SCAI: variants seen among roughly 807,000 people sequenced by gnomAD.
SCAI encodes the protein suppressor of cancer cell invasion.
A neutral mutation model predicts 92.2 loss-of-function variants in SCAI; 24 were observed. That is an observed-to-expected ratio of 0.26 (90% CI 0.19 to 0.37). The LOEUF (loss-of-function observed/expected upper bound fraction) is 0.37, where lower values mean the gene tolerates loss of function less well. Ranked by LOEUF, SCAI falls within the 10% of genes least tolerant of loss-of-function variation. SCAI has a pLI of 1.00. For missense variants in SCAI, 450 were observed against 736.2 expected, an observed-to-expected ratio of 0.61 and a Z score of 4.50; for synonymous variants, 261 against 258.6, an observed-to-expected ratio of 1.01 and a Z score of -0.09.
At chr9:125,051,108 C>T (rs1368885258) in intron 3 of SCAI, among the ~76,000 whole-genome samples, 9 of 152,048 alleles carry the variant, frequency 5.9e-5, no homozygotes, top group East Asian at 1.9e-4. Context: ...CTGCAACATC[C>T]GCCTCCCAGC....
Position 124,951,692 on chromosome 9 carries a change from T to C in SCAI, c.*1115A>G, listed in dbSNP as rs895570920. On this transcript the variant is annotated 3_prime_UTR_variant, in exon 18 of 18. Transcript: ENST00000336505. ...TAATCAAAAAGGAGGGAGGACTTCA[T>C]AGCAAGTGACTGTGAAATTATAAAG... The C allele has an allele frequency of 7.9e-5, 12 of 152,026 alleles. No homozygotes were observed. Among genetic ancestry groups the C allele is most frequent in the Non-Finnish European group, 1.3e-4 (9 of 67,996 alleles). The allele number at this position is 152,026 out of a possible 1,614,324, so 9.4% of individuals were successfully genotyped here.
intron 2 of SCAI, among the ~76,000 whole-genome samples, chr9:125,107,846 T>C (rs1834833392): frequency 6.6e-6 from 1 of 152,100 alleles, no homozygotes; most frequent in South Asian, 2.1e-4. Context: ...ACAGTCTCCC[T>C]CTCCCTCTCT....
intron 14 of SCAI, among the ~76,000 whole-genome samples, chr9:124,987,798 C>T (rs774639921): frequency 2.0e-5 from 3 of 151,914 alleles, no homozygotes; most frequent in African/African-American, 4.8e-5. Flanking sequence ...CCTGTCTCTA[C>T]TAAAAAATAC....
chr9:125,102,059 T>C (rs769836610), intron 2 of SCAI, among the ~76,000 whole-genome samples: 4 of 152,128 alleles, frequency 2.6e-5, no homozygotes, highest in Non-Finnish European at 5.9e-5. Context: ...GTGGGTGCTG[T>C]CCTGTGCACT....
At chr9:125,008,975 G>A (rs1832572506) in intron 9 of SCAI, among the ~76,000 whole-genome samples, 1 of 152,116 alleles carries the variant, frequency 6.6e-6, no homozygotes, top group Admixed American at 6.5e-5. Context: ...ATTTCCTTAA[G>A]TGGATATAAT....
At chr9:125,083,206 T>C (rs1356718934) in intron 2 of SCAI, among the ~76,000 whole-genome samples, 1 of 152,126 alleles carries the variant, frequency 6.6e-6, no homozygotes, top group African/African-American at 2.4e-5. Flanking sequence ...ACTCTTTGCC[T>C]GCTGCTATCC....
intron 2 of SCAI, among the ~76,000 whole-genome samples, chr9:125,086,811 C>A (rs1280651338): frequency 6.6e-6 from 1 of 152,162 alleles, no homozygotes; most frequent in Non-Finnish European, 1.5e-5. Context: ...ATGATTTTAG[C>A]CAAGTCACTT....
chr9:125,012,670 C>A (rs1266672337), intron 9 of SCAI, among the ~76,000 whole-genome samples: 1 of 152,088 alleles, frequency 6.6e-6, no homozygotes, highest in African/African-American at 2.4e-5. Context: ...AGCTCTGCAC[C>A]AAGCAGACCT....
chr9:125,135,971 C>CAAACAA (rs1835513605), intron 2 of SCAI, among the ~76,000 whole-genome samples: 1 of 81,086 alleles, frequency 1.2e-5, no homozygotes, highest in East Asian at 3.9e-4. Flanking sequence ...CCATCTCAAA[C>CAAACAA]AAAAAAAAAA....
chr9:125,138,097 G>A (rs1459751135), intron 2 of SCAI, among the ~76,000 whole-genome samples: 1 of 151,802 alleles, frequency 6.6e-6, no homozygotes, highest in Non-Finnish European at 1.5e-5. Context: ...ATTTCTTCTT[G>A]GCCTTTATTT....
At chr9:125,136,416 A>C (rs1265723576) in intron 2 of SCAI, among the ~76,000 whole-genome samples, 2 of 145,710 alleles carry the variant, frequency 1.4e-5, no homozygotes, top group Non-Finnish European at 3.0e-5. Context: ...GATATTCAGA[A>C]TTTCTATAGC....
intron 2 of SCAI, among the ~76,000 whole-genome samples, chr9:125,114,543 T>A (rs889348960): frequency 1.3e-5 from 2 of 152,212 alleles, no homozygotes; most frequent in Admixed American, 1.3e-4. Flanking sequence ...CTGTCCATAT[T>A]TAGTTGACAA....
intron 2 of SCAI, among the ~76,000 whole-genome samples, chr9:125,125,603 G>A (rs1408701028): frequency 6.6e-6 from 1 of 151,776 alleles, no homozygotes; most frequent in Non-Finnish European, 1.5e-5. Flanking sequence ...GCCAAGGTGG[G>A]TGAATCACCT....
intron 3 of SCAI, among the ~76,000 whole-genome samples, chr9:125,047,215 G>A (rs549411347): frequency 2.0e-5 from 3 of 152,154 alleles, no homozygotes; most frequent in Non-Finnish European, 4.4e-5. Flanking sequence ...TATGAGTTGC[G>A]TCCTTAGAAG....
At chr9:125,051,032 A>G (rs913235553) in intron 3 of SCAI, among the ~76,000 whole-genome samples, 2 of 151,906 alleles carry the variant, frequency 1.3e-5, no homozygotes, top group Non-Finnish European at 2.9e-5. Flanking sequence ...TTATTTATTT[A>G]TTTACTTAGA....
chr9:125,084,532 T>C (rs1834288050), intron 2 of SCAI, among the ~76,000 whole-genome samples: 1 of 152,098 alleles, frequency 6.6e-6, no homozygotes, highest in Non-Finnish European at 1.5e-5. Context: ...CAGATGCCCA[T>C]GCTCCAAGCT....
chr9:125,122,835 A>T (rs902060718), intron 2 of SCAI, among the ~76,000 whole-genome samples: 2 of 152,142 alleles, frequency 1.3e-5, no homozygotes, highest in African/African-American at 4.8e-5. Flanking sequence ...CATCCCAGTA[A>T]GTCAAGGCTG....
intron 9 of SCAI, among the ~76,000 whole-genome samples, chr9:125,012,127 C>T (rs375666799): frequency 5.3e-5 from 8 of 152,092 alleles, no homozygotes; most frequent in East Asian, 1.9e-4. Context: ...CATCAACTAA[C>T]GAGCAAAATA....
At chr9:125,016,538 G>A (rs1057098478) in intron 9 of SCAI, among the ~76,000 whole-genome samples, 2 of 151,826 alleles carry the variant, frequency 1.3e-5, no homozygotes, top group African/African-American at 4.8e-5. Context: ...ACAATATATC[G>A]AGGCCTATTA....
Sources: gnomAD v4.1 joint callset for allele counts (sites outside exome capture counted in the v4.1 genomes callset) on GRCh38, gnomAD v4.1.1 for gene constraint, MANE v1.5 for transcripts, NCBI Gene and HGNC (gene_info 2026-07-23, HGNC 2026-07-21) for gene names.